Variants in AOPEP observed in about 807,000 individuals in gnomAD.
The protein encoded by AOPEP is aminopeptidase O (putative).
A neutral mutation model predicts 98.1 loss-of-function variants in AOPEP; 77 were observed. The observed-to-expected ratio is 0.78, with a 90% CI of 0.65 to 0.95. AOPEP has a LOEUF of 0.95. AOPEP is among the 40% of genes least tolerant of loss of function. The probability of loss-of-function intolerance (pLI) is 0.00; values close to 1 mark genes in which losing one functional copy is unlikely to be tolerated. For synonymous variants in AOPEP, 346 were observed against 365.3 expected (o/e 0.95, Z 0.60); for missense variants, 1,024 against 1,024.7 (o/e 1.00, Z 0.01).
At chr9:95,112,859 T>C in the AOPEP span, among the ~76,000 whole-genome samples, 1 of 152,270 alleles carries the variant, frequency 6.6e-6, no homozygotes, top group African/African-American at 2.4e-5. Context: ...TAAGTCCTGT[T>C]CTGCAGCACC....
rs187424108 is a variant in AOPEP at position 95,042,097 on chromosome 9, G to A, written c.2116-18597G>A. Among the ~76,000 whole-genome samples the A allele has an allele frequency of 3.9e-5, 6 of 152,240 alleles. No individual in the cohort carries two copies. The East Asian group carries it at 1.2e-3, about 29-fold the overall frequency. ...GGAGGCCGAGGCGGGCGGATCACGA[G>A]GTCAGGAGATCAAGACCATCCTGGC... is the stretch of plus-strand genomic sequence containing the variant. On this transcript the variant is annotated intron_variant, in intron 13 of 16. Coordinates refer to ENST00000375315, the MANE Select transcript of AOPEP (RefSeq NM_001193329.3).
Position 94,773,039 on chromosome 9 carries a change from A to G in AOPEP, c.835A>G (p.Arg279Gly), listed in dbSNP as rs1044289951. The change falls in exon 3 of 17, where the codon AGG becomes GGG. Residue 279 changes from arginine (R) to glycine (G), a missense_variant. Transcript: ENST00000375315. ...TACTGTGGGATCTCCCATAAACAAC[A>G]GGGCCCTTTTTCCATGCCAGGAGCC... ...VYTVGSPINN[R>G]ALFPCQEPPV... 1.1e-5 allele frequency: 17 copies of G among 1,613,906 alleles called. No homozygotes were observed. Among genetic ancestry groups the G allele is most frequent in the Admixed American group, 1.7e-5 (1 of 59,982 alleles).
At chr9:94,810,318 TG>T (rs1471298950) in intron 5 of AOPEP, among the ~76,000 whole-genome samples, 22 of 150,494 alleles carry the variant, frequency 1.5e-4, no homozygotes, top group African/African-American at 5.4e-4. Context: ...AGGGTTTTTT[TG>T]TTTTTTTTTT....
Position 94,991,337 on chromosome 9 carries a change from A to T in AOPEP, c.1977+11910A>T, listed in dbSNP as rs544591173. Among the ~76,000 whole-genome samples, 123 of 152,218 alleles carry T rather than the reference A, an allele frequency of 8.1e-4. 1 individual carries two copies. The highest frequency in any genetic ancestry group is 2.6e-3 in the African/African-American group (108 of 41,536). On this transcript the variant is annotated intron_variant, in intron 11 of 16. Coordinates refer to ENST00000375315, the MANE Select transcript of AOPEP (RefSeq NM_001193329.3). ...TGTGGCCTCTGCTGCTTCATGGTTA[A>T]ATATTAGTTTTTTCTGGTATTGTGC...
intron 13 of AOPEP, among the ~76,000 whole-genome samples, chr9:95,006,906 T>G (rs2062069511): frequency 6.6e-6 from 1 of 150,700 alleles, no homozygotes; most frequent in Admixed American, 6.6e-5. Context: ...TGTTAATTTT[T>G]TTTTTTTTTT....
At chr9:94,726,983 G>C (rs1325968160) in intron 1 of AOPEP, among the ~76,000 whole-genome samples, 1 of 152,176 alleles carries the variant, frequency 6.6e-6, no homozygotes, top group Non-Finnish European at 1.5e-5. Context: ...AGCTGTAGAG[G>C]TGGCCACGGG....
intron 7 of AOPEP, among the ~76,000 whole-genome samples, chr9:94,937,863 T>C (rs572370540): frequency 7.8e-4 from 119 of 152,308 alleles, no homozygotes; most frequent in African/African-American, 2.8e-3. Flanking sequence ...ATTTTTGCCC[T>C]ACAAGAACAA....
intron 7 of AOPEP, chr9:94,932,324 G>C (rs182021637): frequency 1.0e-6 from 1 of 972,248 alleles, no homozygotes; most frequent in South Asian, 4.8e-5. Context: ...ATAGATACTG[G>C]AGTATTAACA....
chr9:94,747,437 G>T (rs1834770725), intron 1 of AOPEP, among the ~76,000 whole-genome samples: 1 of 152,142 alleles, frequency 6.6e-6, no homozygotes, highest in African/African-American at 2.4e-5. Context: ...GTTCCAGAGA[G>T]AATTTAAACT....
At chr9:94,985,037 C>A (rs1366610467) in intron 11 of AOPEP, among the ~76,000 whole-genome samples, 1 of 152,254 alleles carries the variant, frequency 6.6e-6, no homozygotes, top group East Asian at 1.9e-4. Flanking sequence ...GTGTGAACCA[C>A]AAGCACACCG....
At chr9:95,110,782 T>A in the AOPEP span, 22 of 1,106,900 alleles carry the variant, frequency 2.0e-5, no homozygotes, top group Non-Finnish European at 2.4e-5. Context: ...AGCAAATCAA[T>A]GCTTGCAAGG....
At chr9:95,004,734 CG>C (rs1379311641) in intron 11 of AOPEP, among the ~76,000 whole-genome samples, 5 of 109,692 alleles carry the variant, frequency 4.6e-5, no homozygotes, top group Admixed American at 4.2e-4. Flanking sequence ...GCAAGGTGCG[CG>C]GGGGCGCGGG....
At chr9:95,063,929 A>G (rs1040974572) in intron 14 of AOPEP, among the ~76,000 whole-genome samples, 2 of 152,084 alleles carry the variant, frequency 1.3e-5, no homozygotes, top group Non-Finnish European at 2.9e-5. Flanking sequence ...AAAAAAAAAA[A>G]AATCTCAACT....
At chr9:94,747,553 G>T (rs1269580651) in intron 1 of AOPEP, among the ~76,000 whole-genome samples, 2 of 152,136 alleles carry the variant, frequency 1.3e-5, no homozygotes, top group African/African-American at 4.8e-5. Context: ...GAACAAAGGG[G>T]AAAAGCTTAA....
At chr9:95,096,125 G>A in the AOPEP span, among the ~76,000 whole-genome samples, 1 of 152,300 alleles carries the variant, frequency 6.6e-6, no homozygotes, top group South Asian at 2.1e-4. Flanking sequence ...AGATGCCGAC[G>A]CTGGGAAAGG....
chr9:94,783,116 T>C (rs1001310549), intron 3 of AOPEP, among the ~76,000 whole-genome samples: 4 of 152,210 alleles, frequency 2.6e-5, no homozygotes, highest in Admixed American at 6.5e-5. Context: ...GTCACCTGCA[T>C]TGAAGGTCAG....
At chr9:95,079,950 GTCTCCGCC>G (rs1706619214) in intron 14 of AOPEP, among the ~76,000 whole-genome samples, 1 of 152,152 alleles carries the variant, frequency 6.6e-6, no homozygotes, top group Admixed American at 6.5e-5. Context: ...AGAGAGCAGT[GTCTCCGCC>G]TCTTACTGTG....
the AOPEP span, chr9:95,126,604 G>C: frequency 1.2e-6 from 2 of 1,613,014 alleles, no homozygotes; most frequent in Non-Finnish European, 1.7e-6. Flanking sequence ...AAGACCATGA[G>C]AATGTGAAAT....
intron 7 of AOPEP, among the ~76,000 whole-genome samples, chr9:94,943,621 A>G (rs935812359): frequency 6.7e-6 from 1 of 149,156 alleles, no homozygotes; most frequent in South Asian, 2.1e-4. Flanking sequence ...AAAAAAGAAA[A>G]AAAAAGGATC....
Sources: allele counts gnomAD v4.1 joint callset (sites outside exome capture counted in the v4.1 genomes callset), GRCh38; gene constraint gnomAD v4.1.1; transcripts MANE v1.5; gene names NCBI Gene and HGNC (gene_info 2026-07-23, HGNC 2026-07-21).